The following ARMH3 variants were observed in gnomAD, a reference collection of about 807,000 sequenced individuals.
The protein encoded by ARMH3 is armadillo-like helical domain-containing protein 3.
A neutral mutation model predicts 99.1 loss-of-function variants in ARMH3; 60 were observed. That is an observed-to-expected ratio of 0.61 (90% CI 0.49 to 0.75). The LOEUF is 0.75. Ranked by LOEUF, ARMH3 falls within the 30% of genes least tolerant of loss-of-function variation. The pLI is 0.00. For missense variants in ARMH3, 679 were observed against 843.1 expected, an observed-to-expected ratio of 0.81 and a Z score of 2.41; for synonymous variants, 285 against 292.8, an observed-to-expected ratio of 0.97 and a Z score of 0.27.
chr10:102,007,021 C>T lies in ARMH3; in HGVS notation c.955-388G>A, dbSNP rs182804325. Reference sequence around the variant, plus strand: ...ACTAAAATACAAAAAATTAGCCAGGCATGGTGGTGCATGCCTGTAGTCCCA... The same window carrying T: ...ACTAAAATACAAAAAATTAGCCAGGTATGGTGGTGCATGCCTGTAGTCCCA... On this transcript the variant is annotated intron_variant, in intron 13 of 25. Transcript: ENST00000370033. Among the ~76,000 whole-genome samples the T allele has an allele frequency of 5.6e-3, 854 of 151,718 alleles. 29 individuals are homozygous for T. The highest frequency in any genetic ancestry group is 0.044 in the Admixed American group (672 of 15,236).
chr10:102,033,322 C>A lies in ARMH3; in HGVS notation c.120G>T (p.Lys40Asn). The A allele has an allele frequency of 1.2e-6, 2 of 1,614,130 alleles. No homozygotes were observed. Among genetic ancestry groups the A allele is most frequent in the Non-Finnish European group, 1.7e-6 (2 of 1,180,008 alleles). ...DEIFMTEDPS[K>N]CSPRFWEELF... is the part of the protein sequence containing the mutation. ...GCTCCTCCCAAAACCGAGGACTGCACTTACTGGGGTCCTCTGTCTGAAACC... is the reference window on the plus strand; with the variant it reads ...GCTCCTCCCAAAACCGAGGACTGCAATTACTGGGGTCCTCTGTCTGAAACC... The change falls in exon 3 of 26, where the codon AAG (lysine) becomes AAT (asparagine). Residue 40 changes from lysine to asparagine, a missense_variant. Lys to Asn is a moderately conservative substitution (Grantham distance 94). Around this residue, in one of 3 missense-constraint regions of ARMH3, gnomAD observed 280 missense variants for 354.6 expected, o/e 0.79. Transcript: ENST00000370033.
chr10:101,878,214 C>T (rs1365283750), intron 24 of ARMH3, among the ~76,000 whole-genome samples: 2 of 152,046 alleles, frequency 1.3e-5, no homozygotes, highest in Non-Finnish European at 2.9e-5. Context: ...GCAGAGATCA[C>T]GCCACTGCCC....
chr10:101,912,045 A>C (rs1564744906), intron 23 of ARMH3, among the ~76,000 whole-genome samples: 1 of 151,796 alleles, frequency 6.6e-6, no homozygotes, highest in Non-Finnish European at 1.5e-5. Context: ...CAACAACAAC[A>C]ACAAAAAAGA....
At chr10:101,902,277 A>C (rs957873283) in intron 23 of ARMH3, among the ~76,000 whole-genome samples, 2 of 152,216 alleles carry the variant, frequency 1.3e-5, no homozygotes, top group African/African-American at 4.8e-5. Context: ...GGCTGTTAAG[A>C]GTAGCTGTGA....
At chr10:101,980,692 A>G (rs529316578) in intron 19 of ARMH3, among the ~76,000 whole-genome samples, 1 of 152,286 alleles carries the variant, frequency 6.6e-6, no homozygotes, top group East Asian at 1.9e-4. Flanking sequence ...TCTGTGGGGT[A>G]TCAATCTGAC....
In ARMH3 at chr10:101,963,870, T is replaced by G. The variant is rs1007097854; in HGVS notation, c.1496-6138A>C. The stretch of plus-strand genomic sequence containing the variant: ...CCTTTCGTTAAAGTAGGGGTTCTCT[T>G]TTTCTTTCTTTTTTTTTTTTTTTTG... On this transcript the variant is annotated intron_variant, in intron 20 of 25. Coordinates refer to ENST00000370033, the MANE Select transcript of ARMH3 (RefSeq NM_024541.3). Among the ~76,000 whole-genome samples the G allele has an allele frequency of 2.6e-5, 4 of 151,412 alleles. No homozygotes were observed. The South Asian group carries it at 8.3e-4, about 31-fold the overall frequency.
intron 4 of ARMH3, among the ~76,000 whole-genome samples, chr10:102,031,850 CA>C (rs2067138774): frequency 6.6e-6 from 1 of 152,206 alleles, no homozygotes; most frequent in Non-Finnish European, 1.5e-5. Context: ...ACCATTCTCT[CA>C]CCTCAGCCTC....
intron 23 of ARMH3, among the ~76,000 whole-genome samples, chr10:101,933,012 C>G (rs1258519127): frequency 6.6e-6 from 1 of 152,084 alleles, no homozygotes; most frequent in Non-Finnish European, 1.5e-5. Context: ...CGGTGAAACC[C>G]CGTCTCTACT....
chr10:102,009,942 G>A (rs376292943), intron 12 of ARMH3, 35 bp downstream of exon 12: 23 of 1,600,864 alleles, frequency 1.4e-5, no homozygotes, highest in Non-Finnish European at 1.8e-5. Flanking sequence ...CCACACTAAA[G>A]TCCAAGTCAC....
intron 2 of ARMH3, among the ~76,000 whole-genome samples, chr10:102,039,433 G>A (rs763268316): frequency 7.9e-5 from 12 of 152,122 alleles, no homozygotes; most frequent in South Asian, 2.1e-4. Flanking sequence ...GGGAGCCACC[G>A]CGCCCAGCCC....
chr10:101,978,552 CTT>C (rs1488951570), intron 19 of ARMH3, among the ~76,000 whole-genome samples: 2 of 152,140 alleles, frequency 1.3e-5, no homozygotes, highest in African/African-American at 4.8e-5. Context: ...AATCCCAACA[CTT>C]TGGGAGGCCA....
chr10:101,927,262 T>C (rs77230542), intron 23 of ARMH3, among the ~76,000 whole-genome samples: 2 of 152,316 alleles, frequency 1.3e-5, no homozygotes, highest in East Asian at 1.9e-4. Flanking sequence ...CAATTACTAA[T>C]GGCACAAGTG....
intron 15 of ARMH3, among the ~76,000 whole-genome samples, chr10:101,998,020 T>C (rs1338617675): frequency 6.6e-6 from 1 of 152,214 alleles, no homozygotes; most frequent in Non-Finnish European, 1.5e-5. Flanking sequence ...TTCCTAACCT[T>C]GCCCTTTGCC....
intron 19 of ARMH3, 150 bp from the exon 20 acceptor site, chr10:101,975,450 G>A: frequency 4.0e-6 from 2 of 502,748 alleles, no homozygotes; most frequent in Non-Finnish European, 7.2e-6. Context: ...AAAACTTCTG[G>A]CCGGGCATGG....
intron 23 of ARMH3, among the ~76,000 whole-genome samples, chr10:101,921,806 A>C (rs527612939): frequency 1.4e-3 from 215 of 152,334 alleles, no homozygotes; most frequent in African/African-American, 5.0e-3. Context: ...ACAGAGTAGA[A>C]TGACACCAGA....
chr10:102,005,316 G>C (rs1396921336), intron 14 of ARMH3, among the ~76,000 whole-genome samples: 3 of 147,154 alleles, frequency 2.0e-5, no homozygotes, highest in Non-Finnish European at 4.5e-5. Context: ...CTGGGAGGCA[G>C]AGGTTGCAGT....
intron 1 of ARMH3, among the ~76,000 whole-genome samples, chr10:102,054,497 G>A (rs890356759): frequency 9.9e-5 from 15 of 151,874 alleles, no homozygotes; most frequent in African/African-American, 3.6e-4. Flanking sequence ...CTTTACAGTC[G>A]TAACAAGAGG....
At chr10:101,885,941 C>G (rs550727634) in intron 24 of ARMH3, among the ~76,000 whole-genome samples, 1 of 151,952 alleles carries the variant, frequency 6.6e-6, no homozygotes, top group East Asian at 1.9e-4. Flanking sequence ...CCTGTAATCC[C>G]AGCTACTAGG....
chr10:101,960,492 T>G (rs1384352096), intron 20 of ARMH3, among the ~76,000 whole-genome samples: 1 of 152,188 alleles, frequency 6.6e-6, no homozygotes, highest in Non-Finnish European at 1.5e-5. Context: ...TCCTCATTTT[T>G]GGATAAGAAA....
Sources: gnomAD v4.1 joint callset for allele counts (sites outside exome capture counted in the v4.1 genomes callset) on GRCh38, gnomAD v4.1.1 for gene constraint, gnomAD v4.1.1 regional missense constraint, MANE v1.5 for transcripts, NCBI Gene and HGNC (gene_info 2026-07-23, HGNC 2026-07-21) for gene names.